The following SHQ1 variants were observed in gnomAD, a reference collection of about 807,000 sequenced individuals.
The protein encoded by SHQ1 is SHQ1, H/ACA ribonucleoprotein assembly factor.
SHQ1 carries 49 observed loss-of-function variants against 53.8 expected under a neutral mutation model. The observed-to-expected ratio is 0.91, with a 90% CI of 0.72 to 1.16. SHQ1 has a LOEUF of 1.16. SHQ1 is among the 50% of genes most tolerant of loss of function. The pLI is 0.00. For synonymous variants in SHQ1, 243 were observed against 251.0 expected, an observed-to-expected ratio of 0.97 and a Z score of 0.30; for missense variants, 738 against 683.1, an observed-to-expected ratio of 1.08 and a Z score of -0.90.
intron 10 of SHQ1, 43 bp downstream of exon 10, chr3:72,792,873 T>C (rs1361550372): frequency 2.0e-6 from 3 of 1,536,164 alleles, no homozygotes; most frequent in East Asian, 5.0e-5. Context: ...ATTTCAGCAA[T>C]GTGAACATCT....
At chr3:72,816,032 C>T (rs13085136) in intron 7 of SHQ1, among the ~76,000 whole-genome samples, 8,295 of 152,052 alleles carry the variant, frequency 0.055, 321 homozygotes, top group Admixed American at 0.099. Flanking sequence ...CTTTAAAAGA[C>T]GAGTGAAAAC....
At chr3:72,763,882 A>G (rs1462157026) in intron 10 of SHQ1, among the ~76,000 whole-genome samples, 1 of 152,164 alleles carries the variant, frequency 6.6e-6, no homozygotes, top group Non-Finnish European at 1.5e-5. Flanking sequence ...GTTTTAAGCC[A>G]CCCAGTCTGT....
At chr3:72,840,879 A>G (rs1254979355) in intron 4 of SHQ1, among the ~76,000 whole-genome samples, 166 bp downstream of exon 4, 1 of 152,210 alleles carries the variant, frequency 6.6e-6, no homozygotes, top group Non-Finnish European at 1.5e-5. Context: ...AGCCAATGAA[A>G]TGGAAGGGAA....
At chr3:72,809,223 C>T (rs767665376) in intron 9 of SHQ1, among the ~76,000 whole-genome samples, 7 of 152,110 alleles carry the variant, frequency 4.6e-5, no homozygotes, top group Non-Finnish European at 8.8e-5. Context: ...CCGCTGGTCA[C>T]CCACCCTCAG....
At chr3:72,798,002 T>C (rs144109149) in intron 9 of SHQ1, among the ~76,000 whole-genome samples, 6 of 152,324 alleles carry the variant, frequency 3.9e-5, no homozygotes, top group Admixed American at 6.5e-5. Flanking sequence ...GGCTGTCACA[T>C]GGCCGGTGGC....
At chr3:72,764,761 A>G (rs1705685543) in intron 10 of SHQ1, among the ~76,000 whole-genome samples, 1 of 152,186 alleles carries the variant, frequency 6.6e-6, no homozygotes, top group Non-Finnish European at 1.5e-5. Flanking sequence ...CAGGTAATAC[A>G]TATGCACCAT....
At chr3:72,764,905 C>T (rs1244402945) in intron 10 of SHQ1, among the ~76,000 whole-genome samples, 3 of 152,194 alleles carry the variant, frequency 2.0e-5, no homozygotes, top group Non-Finnish European at 4.4e-5. Context: ...GGAGGTTCCC[C>T]CTGTTCCTGG....
chr3:72,815,386 A>G lies in SHQ1; in HGVS notation c.900T>C (p.Asn300=), dbSNP rs753011194. Residue 300 remains asparagine (N), a synonymous_variant, in exon 8 of 11, where the codon AAT becomes AAC. Coordinates refer to ENST00000325599, the MANE Select transcript of SHQ1 (RefSeq NM_018130.3). ...ATAGTGTTGGACTCAGTTTCCTGAT[A>G]TTCCATGCAGATTCAACCTTTATTT... ...EGEKNVESAW[N]IRKLSPTLCW... 6.2e-7 allele frequency: 1 copy of G among 1,613,482 alleles called. No individual in the cohort carries two copies. The highest frequency in any genetic ancestry group is 1.7e-5 in the Admixed American group (1 of 60,030).
chr3:72,743,204 TAAG>T, the SHQ1 span, among the ~76,000 whole-genome samples: 1 of 152,222 alleles, frequency 6.6e-6, no homozygotes, highest in Non-Finnish European at 1.5e-5. Context: ...CTTTAGAAGA[TAAG>T]AATCTCTTTC....
chr3:72,820,546 AATC>A (rs1469429728), intron 6 of SHQ1, among the ~76,000 whole-genome samples: 1 of 152,176 alleles, frequency 6.6e-6, no homozygotes, highest in African/African-American at 2.4e-5. Flanking sequence ...TAGAGCTGTA[AATC>A]ATATCACCCA....
At chr3:72,768,978 T>C (rs904903135) in intron 10 of SHQ1, among the ~76,000 whole-genome samples, 3 of 152,224 alleles carry the variant, frequency 2.0e-5, no homozygotes, top group Admixed American at 2.0e-4. Context: ...GACCCAGCTA[T>C]ACAGCAGTGC....
At chr3:72,801,647 CTG>C (rs911534911) in intron 9 of SHQ1, among the ~76,000 whole-genome samples, 1 of 152,184 alleles carries the variant, frequency 6.6e-6, no homozygotes, top group African/African-American at 2.4e-5. Context: ...GAAACCCTCA[CTG>C]TGTTTCAGTG....
At chr3:72,781,716 T>C (rs1183302431) in intron 10 of SHQ1, among the ~76,000 whole-genome samples, 1 of 152,116 alleles carries the variant, frequency 6.6e-6, no homozygotes, top group African/African-American at 2.4e-5. Context: ...TATGACTCTC[T>C]TTGAAAATAG....
chr3:72,771,271 G>C (rs1705844795), intron 10 of SHQ1, among the ~76,000 whole-genome samples: 1 of 152,170 alleles, frequency 6.6e-6, no homozygotes, highest in African/African-American at 2.4e-5. Context: ...TAGATTTCAA[G>C]AGTCAAGTTT....
chr3:72,847,849 G>A (rs886095731), intron 1 of SHQ1, among the ~76,000 whole-genome samples: 1 of 152,148 alleles, frequency 6.6e-6, no homozygotes, highest in Non-Finnish European at 1.5e-5. Context: ...GGGAGAGACT[G>A]GGAGAGCAAA....
chr3:72,727,595 C>T, the SHQ1 span, among the ~76,000 whole-genome samples: 3 of 152,264 alleles, frequency 2.0e-5, no homozygotes, highest in East Asian at 1.9e-4. Flanking sequence ...GAGCAGAATG[C>T]GTTTTTGTTT....
chr3:72,795,689 G>A (rs1170965334), intron 9 of SHQ1: 2 of 152,184 alleles, frequency 1.3e-5, no homozygotes, highest in Admixed American at 1.3e-4. Flanking sequence ...TCAATCGTAA[G>A]TCTTTACTGG....
chr3:72,824,921 C>T (rs1424058514), intron 5 of SHQ1, among the ~76,000 whole-genome samples: 1 of 151,978 alleles, frequency 6.6e-6, no homozygotes, highest in Admixed American at 6.6e-5. Flanking sequence ...CCTGTCTCAG[C>T]CTCTCAAGTA....
At chr3:72,833,453 GATAGATAGATAGA>G (rs1707886815) in intron 4 of SHQ1, among the ~76,000 whole-genome samples, 2 of 19,948 alleles carry the variant, frequency 1.0e-4, no homozygotes, top group African/African-American at 5.7e-4. Flanking sequence ...ATGATAGATA[GATAGATAGATAGA>G]TAGATAGATA....
Sources: allele counts gnomAD v4.1 joint callset (sites outside exome capture counted in the v4.1 genomes callset), GRCh38; gene constraint gnomAD v4.1.1; transcripts MANE v1.5; gene names NCBI Gene and HGNC (gene_info 2026-07-23, HGNC 2026-07-21).